Variants in PTPRT observed in about 807,000 individuals in gnomAD.
PTPRT encodes the protein protein tyrosine phosphatase receptor type T.
A neutral mutation model predicts 176.8 loss-of-function variants in PTPRT; 56 were observed. The ratio of observed to expected loss-of-function variants is 0.32; its 90% CI spans 0.26 to 0.40. PTPRT has a LOEUF of 0.40. Ranked by LOEUF, PTPRT falls within the 10% of genes least tolerant of loss-of-function variation. The pLI, the probability that PTPRT is intolerant of heterozygous loss-of-function variation, is 1.00. For synonymous variants in PTPRT, 783 were observed against 739.0 expected (o/e 1.06, Z -0.96); for missense variants, 1,540 against 1,908.2 (o/e 0.81, Z 3.60).
At chr20:42,889,576 C>A (rs749389446) in intron 1 of PTPRT, among the ~76,000 whole-genome samples, 2 of 152,206 alleles carry the variant, frequency 1.3e-5, no homozygotes, top group Non-Finnish European at 2.9e-5. Context: ...GTCCCTCCTA[C>A]AGAAGAGTTT....
intron 1 of PTPRT, among the ~76,000 whole-genome samples, chr20:43,031,861 C>G (rs1203596748): frequency 1.3e-5 from 2 of 152,174 alleles, no homozygotes; most frequent in Admixed American, 1.3e-4. Flanking sequence ...CTGATCAGTA[C>G]TTTGAAATCC....
intron 1 of PTPRT, among the ~76,000 whole-genome samples, chr20:43,039,745 AAAG>A (rs1986529183): frequency 6.6e-6 from 1 of 152,168 alleles, no homozygotes; most frequent in Non-Finnish European, 1.5e-5. Flanking sequence ...TACAAATAAA[AAAG>A]AAGAAAACCA....
intron 2 of PTPRT, among the ~76,000 whole-genome samples, chr20:42,852,437 C>T (rs1402112011): frequency 6.6e-6 from 1 of 152,084 alleles, no homozygotes. Flanking sequence ...AAAAACTGCA[C>T]ATAGAAAAAA....
chr20:42,999,672 T>C (rs1188258409), intron 1 of PTPRT, among the ~76,000 whole-genome samples: 3 of 151,862 alleles, frequency 2.0e-5, no homozygotes, highest in Non-Finnish European at 2.9e-5. Flanking sequence ...CTGGGCATGA[T>C]GGCGCATGCC....
intron 9 of PTPRT, among the ~76,000 whole-genome samples, chr20:42,389,027 C>CA (rs1387766380): frequency 8.7e-5 from 13 of 148,798 alleles, no homozygotes; most frequent in Non-Finnish European, 1.5e-4. Context: ...ATCGCAAGGA[C>CA]AAAAAACCAA....
intron 13 of PTPRT, among the ~76,000 whole-genome samples, chr20:42,274,592 T>TATGTGTGTGTG (rs2056997091): frequency 7.2e-6 from 1 of 138,170 alleles, no homozygotes; most frequent in African/African-American, 2.6e-5. Context: ...TGTGTGTGTG[T>TATGTGTGTGTG]TAGCCTGCAA....
At chr20:42,332,054 TAAG>T (rs963550818) in intron 11 of PTPRT, among the ~76,000 whole-genome samples, 2 of 152,142 alleles carry the variant, frequency 1.3e-5, no homozygotes, top group Admixed American at 1.3e-4. Context: ...CAGTTTCACT[TAAG>T]AAGGTCCTCG....
intron 1 of PTPRT, among the ~76,000 whole-genome samples, chr20:43,158,544 C>A (rs2014592238): frequency 6.6e-6 from 1 of 152,136 alleles, no homozygotes; most frequent in Non-Finnish European, 1.5e-5. Context: ...ATGGTAGTTG[C>A]CTATCATTTC....
At chr20:42,852,605 T>C (rs1266995108) in intron 2 of PTPRT, among the ~76,000 whole-genome samples, 1 of 152,048 alleles carries the variant, frequency 6.6e-6, no homozygotes, top group Non-Finnish European at 1.5e-5. Context: ...AGAGCCAGAG[T>C]ATTTTTTCTT....
intron 7 of PTPRT, among the ~76,000 whole-genome samples, chr20:42,640,713 G>A (rs367544013): frequency 6.6e-6 from 1 of 151,966 alleles, no homozygotes; most frequent in East Asian, 1.9e-4. Context: ...ATAAGCATTG[G>A]GAAAAAAATG....
intron 13 of PTPRT, among the ~76,000 whole-genome samples, chr20:42,264,805 A>G (rs2056811084): frequency 6.6e-6 from 1 of 152,118 alleles, no homozygotes; most frequent in African/African-American, 2.4e-5. Flanking sequence ...GCCCTGATTC[A>G]TGACTTCTAT....
rs547786730 is a variant in PTPRT, at chr20:42,815,557, C to T, written c.215-24091G>A. On this transcript the variant is annotated intron_variant, in intron 2 of 30. Coordinates refer to ENST00000373187, the MANE Select transcript of PTPRT (RefSeq NM_007050.6). ...TTAGAAGTTGTCATCTGCTTCCTAA[C>T]GCACCTTAGGAGGTTCATCCAAGCC... Among the ~76,000 whole-genome samples, 6 of 152,256 alleles carry T rather than the reference C, an allele frequency of 3.9e-5. No homozygotes were observed. The South Asian group carries it at 8.3e-4, about 21-fold the overall frequency.
chr20:42,106,630 C>T (rs1986468536), intron 24 of PTPRT, among the ~76,000 whole-genome samples, 156 bp downstream of exon 24: 1 of 152,094 alleles, frequency 6.6e-6, no homozygotes, highest in African/African-American at 2.4e-5. Context: ...ACAGTAGTCT[C>T]ACCATAGTAA....
chr20:43,145,130 C>T (rs1416579676), intron 1 of PTPRT, among the ~76,000 whole-genome samples: 2 of 152,216 alleles, frequency 1.3e-5, no homozygotes, highest in African/African-American at 2.4e-5. Flanking sequence ...ATTTTCTGCC[C>T]ATTTATCTGT....
chr20:42,877,658 C>T (rs940298311), intron 2 of PTPRT, among the ~76,000 whole-genome samples: 15 of 152,124 alleles, frequency 9.9e-5, no homozygotes, highest in African/African-American at 3.4e-4. Context: ...CCCAGCATTG[C>T]GGTTACAAAT....
chr20:42,775,962 T>C (rs2077129208), intron 4 of PTPRT, among the ~76,000 whole-genome samples: 1 of 152,184 alleles, frequency 6.6e-6, no homozygotes, highest in Non-Finnish European at 1.5e-5. Context: ...AAAGCACCTT[T>C]AGTCTAAAGG....
chr20:42,551,131 T>C (rs746446167), intron 7 of PTPRT, among the ~76,000 whole-genome samples: 10 of 152,192 alleles, frequency 6.6e-5, no homozygotes, highest in Admixed American at 1.3e-4. Flanking sequence ...TTCTTGCACA[T>C]TGTTGACCCT....
At chr20:43,158,129 G>A (rs1260583901) in intron 1 of PTPRT, among the ~76,000 whole-genome samples, 1 of 152,128 alleles carries the variant, frequency 6.6e-6, no homozygotes, top group African/African-American at 2.4e-5. Context: ...GCAAGTGGAG[G>A]TGGCGAGAGT....
At chr20:42,385,343 A>C (rs981687533) in intron 9 of PTPRT, among the ~76,000 whole-genome samples, 1 of 152,200 alleles carries the variant, frequency 6.6e-6, no homozygotes, top group African/African-American at 2.4e-5. Flanking sequence ...TGCTAAGTGA[A>C]ATAAGCAAGT....
Sources: gnomAD v4.1 joint callset for allele counts (sites outside exome capture counted in the v4.1 genomes callset) on GRCh38, gnomAD v4.1.1 for gene constraint, MANE v1.5 for transcripts, NCBI Gene and HGNC (gene_info 2026-07-23, HGNC 2026-07-21) for gene names.